Variants in IQCE observed in about 807,000 individuals in gnomAD.
IQCE encodes the protein IQ motif containing E.
IQCE carries 115 observed loss-of-function variants against 96.0 expected under a neutral mutation model. The ratio of observed to expected loss-of-function variants is 1.20; its 90% CI spans 1.03 to 1.40. The LOEUF (loss-of-function observed/expected upper bound fraction) is 1.40, where lower values mean the gene tolerates loss of function less well. Ranked by LOEUF, IQCE falls within the 40% of genes most tolerant of loss-of-function variation. The pLI is 0.00. For missense variants in IQCE, 1,041 were observed against 909.1 expected, an observed-to-expected ratio of 1.15 and a Z score of -1.87; for synonymous variants, 412 against 371.2, an observed-to-expected ratio of 1.11 and a Z score of -1.26.
At chr7:2,576,620 C>G (rs930087441) in intron 6 of IQCE, among the ~76,000 whole-genome samples, 2 of 152,030 alleles carry the variant, frequency 1.3e-5, no homozygotes, top group Non-Finnish European at 1.5e-5. Context: ...AGGCTGGTCT[C>G]GAACTCCTGA....
intron 16 of IQCE, among the ~76,000 whole-genome samples, chr7:2,595,721 C>T (rs1783977591): frequency 6.7e-6 from 1 of 149,702 alleles, no homozygotes; most frequent in African/African-American, 2.5e-5. Context: ...ATGGCCGGCG[C>T]TGCCTGCACT....
At chr7:2,583,587 C>A (rs562990654) in intron 9 of IQCE, 50 bp from the exon 10 acceptor site, 3 of 1,410,320 alleles carry the variant, frequency 2.1e-6, no homozygotes, top group Admixed American at 1.8e-5. Flanking sequence ...CTTGCTCTGT[C>A]CCCTGGGAAC....
rs1253332380 is a variant in IQCE, at chr7:2,590,238, C to T, written c.1244+132C>T. The T allele has an allele frequency of 8.4e-6, 6 of 717,544 alleles. No individual in the cohort carries two copies. The South Asian group carries it at 9.5e-5, about 11-fold the overall frequency. 44.4% of individuals were successfully genotyped at this position (717,544 alleles called of 1,614,324 possible). On this transcript the variant is annotated intron_variant, in intron 14 of 21. Transcript: ENST00000402050. Reference sequence around the variant, plus strand: ...GAGAGAGTAGGTCCTCCCCAGGCCCCGCCAGTGTCCCCACAGGCACAGGTG... The same window carrying T: ...GAGAGAGTAGGTCCTCCCCAGGCCCTGCCAGTGTCCCCACAGGCACAGGTG...
At chr7:2,570,214 G>C (rs1562624927) in intron 3 of IQCE, among the ~76,000 whole-genome samples, 1 of 152,080 alleles carries the variant, frequency 6.6e-6, no homozygotes, top group African/African-American at 2.4e-5. Context: ...TGCTTTCCGA[G>C]TTTGTCGTTT....
In IQCE at chr7:2,582,657, G is replaced by T. The variant is rs765181210; in HGVS notation, c.701+7G>T. 5 of 1,612,222 alleles carry T rather than the reference G, an allele frequency of 3.1e-6. No individual in the cohort carries two copies. The highest frequency in any genetic ancestry group is 2.2e-5 in the South Asian group (2 of 90,898). On this transcript the variant is annotated splice_region_variant and intron_variant, in intron 9 of 21. Coordinates refer to ENST00000402050, the MANE Select transcript of IQCE (RefSeq NM_152558.5). ...AGAAGGACGGCACCATCAGGTGGGC[G>T]CAGGGCTGCACCCTCTCCCCTGCCT...
intron 8 of IQCE, among the ~76,000 whole-genome samples, chr7:2,579,175 A>G (rs1030139122): frequency 5.3e-5 from 8 of 152,184 alleles, no homozygotes; most frequent in Non-Finnish European, 8.8e-5. Flanking sequence ...GGAAGCAGGG[A>G]AGATGTTGCG....
intron 6 of IQCE, among the ~76,000 whole-genome samples, chr7:2,574,778 TC>T (rs1781997069): frequency 6.6e-6 from 1 of 152,224 alleles, no homozygotes; most frequent in African/African-American, 2.4e-5. Context: ...TGTTTTCCCC[TC>T]CGTCTTCCCT....
At chr7:2,584,215 A>T (rs779186000) in intron 10 of IQCE, 21 bp from the exon 11 acceptor site, 14 of 1,610,398 alleles carry the variant, frequency 8.7e-6, no homozygotes, top group Non-Finnish European at 1.2e-5. Flanking sequence ...GTTTTCATGC[A>T]TTTCAATTTG....
intron 2 of IQCE, 94 bp downstream of exon 2, chr7:2,567,257 A>C (rs79462939): frequency 3.1e-6 from 3 of 963,378 alleles, no homozygotes; most frequent in Non-Finnish European, 4.9e-6. Flanking sequence ...CGTTCTCCAC[A>C]ATACTGTGTC....
At chr7:2,569,031 C>T (rs373608047) in intron 3 of IQCE, 32 bp downstream of exon 3, 84 of 1,603,412 alleles carry the variant, frequency 5.2e-5, no homozygotes, top group Middle Eastern at 5.0e-4. Flanking sequence ...TTCCCTCTCA[C>T]GCCGACGTTC....
rs1783123459 is a variant in IQCE, at chr7:2,586,454, G to A, written c.988+83G>A. Reference sequence around the variant, plus strand: ...GCATGGCCACTGGGTAGGCCCAACTGAGGACAGGCACCACGAGGGCAGATG... The same window carrying A: ...GCATGGCCACTGGGTAGGCCCAACTAAGGACAGGCACCACGAGGGCAGATG... On this transcript the variant is annotated intron_variant, in intron 12 of 21. Coordinates refer to ENST00000402050, the MANE Select transcript of IQCE (RefSeq NM_152558.5). 11 of 1,395,186 alleles carry A rather than the reference G, an allele frequency of 7.9e-6. No homozygotes were observed. In the South Asian group the frequency reaches 1.5e-4, roughly 19 times the overall value. The allele number at this position is 1,395,186 out of a possible 1,614,324, so 86.4% of individuals were successfully genotyped here.
intron 18 of IQCE, among the ~76,000 whole-genome samples, chr7:2,603,029 G>A (rs1393297609): frequency 2.0e-5 from 3 of 152,060 alleles, no homozygotes; most frequent in African/African-American, 7.2e-5. Context: ...CAGCCCCTCC[G>A]TGCCTGGCCT....
At chr7:2,586,120 C>T (rs1438833599) in intron 11 of IQCE, 88 bp from the exon 12 acceptor site, 4 of 1,255,308 alleles carry the variant, frequency 3.2e-6, no homozygotes, top group Non-Finnish European at 4.4e-6. Context: ...ACCAACAGAG[C>T]AAGCTGTGAT....
chr7:2,596,471 T>C (rs1784051457), intron 16 of IQCE, among the ~76,000 whole-genome samples: 1 of 151,844 alleles, frequency 6.6e-6, no homozygotes, highest in South Asian at 2.1e-4. Flanking sequence ...ATTAGCTTTG[T>C]GTTATTTTCC....
rs113381740 is a variant in IQCE, at chr7:2,563,769, C to G, written c.37-3347C>G. On this transcript the variant is annotated intron_variant, in intron 1 of 21. Coordinates refer to ENST00000402050, the MANE Select transcript of IQCE (RefSeq NM_152558.5). ...ATTAGCCGGGCGTGGTGGCAGGCGC[C>G]TGTATTCCCAGTTACTTGGGAGGCT... 1.4e-3 allele frequency among the ~76,000 whole-genome samples: 213 copies of G among 151,548 alleles called. 1 individual carries two copies. Among genetic ancestry groups the G allele is most frequent in the South Asian group, 2.7e-3 (13 of 4,800 alleles).
At chr7:2,583,500 C>A in intron 9 of IQCE, 137 bp from the exon 10 acceptor site, 3 of 395,760 alleles carry the variant, frequency 7.6e-6, no homozygotes, top group Non-Finnish European at 1.4e-5. Context: ...AAATGAAGGC[C>A]CGTTCAGGCT....
chr7:2,601,282 G>A (rs140239329), intron 17 of IQCE, among the ~76,000 whole-genome samples, 159 bp from the exon 18 acceptor site: 7 of 152,314 alleles, frequency 4.6e-5, no homozygotes, highest in African/African-American at 1.2e-4. Context: ...TTACAAAGGC[G>A]TTTGTTTGCT....
chr7:2,559,315 C>T (rs1170850235), intron 1 of IQCE, 98 bp downstream of exon 1: 1 of 652,786 alleles, frequency 1.5e-6, no homozygotes. Context: ...GGGGCCGGCC[C>T]GGGGCGTGAG....
At chr7:2,586,733 C>T (rs1269483095) in intron 12 of IQCE, among the ~76,000 whole-genome samples, 1 of 152,152 alleles carries the variant, frequency 6.6e-6, no homozygotes, top group African/African-American at 2.4e-5. Flanking sequence ...GACAGGAAGG[C>T]ACCCCCAAGA....
Sources: gnomAD v4.1 joint callset for allele counts (sites outside exome capture counted in the v4.1 genomes callset) on GRCh38, gnomAD v4.1.1 for gene constraint, MANE v1.5 for transcripts, NCBI Gene and HGNC (gene_info 2026-07-23, HGNC 2026-07-21) for gene names.